The following NANS variants were observed in gnomAD, a reference collection of about 807,000 sequenced individuals.
NANS encodes the protein N-acetylneuraminate-9-phosphate synthase.
NANS carries 29 observed loss-of-function variants against 33.3 expected under a neutral mutation model. The observed-to-expected ratio is 0.87, with a 90% CI of 0.65 to 1.19. NANS has a LOEUF of 1.19. NANS is among the 50% of genes most tolerant of loss of function. The probability of loss-of-function intolerance (pLI) is 0.00; values close to 1 mark genes in which losing one functional copy is unlikely to be tolerated. For missense variants in NANS, 394 were observed against 461.1 expected, an observed-to-expected ratio of 0.85 and a Z score of 1.33; for synonymous variants, 163 against 177.2, an observed-to-expected ratio of 0.92 and a Z score of 0.64.
Position 98,080,949 on chromosome 9 carries a change from A to G in NANS, c.737A>G (p.Lys246Arg). 1.2e-6 allele frequency: 2 copies of G among 1,614,190 alleles called. No homozygotes were observed. The highest frequency in any genetic ancestry group is 1.7e-6 in the Non-Finnish European group (2 of 1,180,032). ...CACATAACTTTGGACAAGACCTGGA[A>G]GGGGAGTGACCACTCGGCCTCGCTG... ...ERHITLDKTW[K>R]GSDHSASLEP... The change falls in exon 5 of 6, where the codon AAG (lysine) becomes AGG (arginine). Residue 246 changes from lysine (K) to arginine (R), a missense_variant. Lys to Arg is a conservative substitution (Grantham distance 26). Coordinates refer to ENST00000210444, the MANE Select transcript of NANS (RefSeq NM_018946.4).
rs577148501 is a variant in NANS at position 98,075,904 on chromosome 9, G to C, written c.349-1014G>C. The C allele has an allele frequency of 1.7e-3, 263 of 152,264 alleles. 3 individuals are homozygous for C. The highest frequency in any genetic ancestry group is 6.0e-3 in the African/African-American group (251 of 41,548). 9.4% of individuals were successfully genotyped at this position (152,264 alleles called of 1,614,324 possible). ...AGTTCTTATAATTTGACAGCAAACT[G>C]AGATTTTACTCTTATAACTTGTGAT... On this transcript the variant is annotated intron_variant, in intron 2 of 5. Transcript: ENST00000210444.
chr9:98,082,970 G>C lies in NANS; in HGVS notation c.995G>C (p.Gly332Ala). 6.2e-7 allele frequency: 1 copy of C among 1,614,168 alleles called. No homozygotes were observed. Among genetic ancestry groups the C allele is most frequent in the Non-Finnish European group, 8.5e-7 (1 of 1,180,046 alleles). ...CCTGAAGACATCTTTAATCTAGTGG[G>C]CAAGAAGGTCCTGGTCACTGTTGAA... ...YPPEDIFNLV[G>A]KKVLVTVEED... Residue 332 changes from glycine to alanine, a missense_variant, in exon 6 of 6, where the codon GGC becomes GCC. By Grantham distance (60) the Gly-to-Ala change is moderately conservative. Coordinates refer to ENST00000210444, the MANE Select transcript of NANS (RefSeq NM_018946.4).
chr9:98,064,129 C>T (rs1829065179), intron 2 of NANS, among the ~76,000 whole-genome samples: 1 of 152,214 alleles, frequency 6.6e-6, no homozygotes, highest in Non-Finnish European at 1.5e-5. Context: ...AGGTGGAGAA[C>T]CTAGGCCTCT....
intron 2 of NANS, among the ~76,000 whole-genome samples, chr9:98,064,208 C>T (rs1289288621): frequency 1.3e-5 from 2 of 152,114 alleles, no homozygotes; most frequent in Non-Finnish European, 1.5e-5. Flanking sequence ...AGCATTCGTA[C>T]GCATGACATT....
intron 2 of NANS, among the ~76,000 whole-genome samples, chr9:98,061,722 G>A (rs1481989236): frequency 2.6e-5 from 4 of 151,428 alleles, no homozygotes; most frequent in Non-Finnish European, 4.4e-5. Flanking sequence ...GGAGGTTGCA[G>A]TAAGCCGAGA....
intron 4 of NANS, among the ~76,000 whole-genome samples, chr9:98,079,177 G>A (rs185089340): frequency 1.3e-5 from 2 of 152,278 alleles, no homozygotes; most frequent in Admixed American, 1.3e-4. Flanking sequence ...CAGCTTGGTG[G>A]CAAAGCTGGA....
chr9:98,081,966 T>G (rs1317117788), intron 5 of NANS: 1 of 152,196 alleles, frequency 6.6e-6, no homozygotes, highest in Admixed American at 6.5e-5. Context: ...TTAATTTGGC[T>G]CTCTGAGCAG....
intron 2 of NANS, among the ~76,000 whole-genome samples, chr9:98,072,727 G>C (rs1169287047): frequency 6.6e-6 from 1 of 152,136 alleles, no homozygotes; most frequent in African/African-American, 2.4e-5. Context: ...CATTCTTTAA[G>C]AGCCTTTACG....
Position 98,076,961 on chromosome 9 carries a change from A to G in NANS, c.392A>G (p.Lys131Arg), listed in dbSNP as rs777787331. The stretch of plus-strand genomic sequence containing the variant: ...CATGAACTGAATGTTCCATTTTTCA[A>G]AGTTGGATCTGGAGACACTAATAAT... Reference protein sequence around the residue: ...FLHELNVPFFKVGSGDTNNFP... With the variant: ...FLHELNVPFFRVGSGDTNNFP... The change falls in exon 3 of 6, where the codon AAA (lysine) becomes AGA (arginine). Residue 131 changes from lysine (K) to arginine (R), a missense_variant. Transcript: ENST00000210444. 9.3e-6 allele frequency: 15 copies of G among 1,611,908 alleles called. No individual in the cohort carries two copies. Among genetic ancestry groups the G allele is most frequent in the Admixed American group, 1.7e-5 (1 of 59,614 alleles).
intron 2 of NANS, among the ~76,000 whole-genome samples, chr9:98,072,866 A>G (rs898463491): frequency 2.6e-5 from 4 of 152,078 alleles, no homozygotes; most frequent in African/African-American, 9.7e-5. Flanking sequence ...CATTTATTGA[A>G]TGCATATTTT....
chr9:98,061,515 C>T (rs1828979140), intron 2 of NANS, among the ~76,000 whole-genome samples: 1 of 148,174 alleles, frequency 6.7e-6, no homozygotes, highest in Non-Finnish European at 1.5e-5. Flanking sequence ...GGCGCGGTGT[C>T]TCACACCTGT....
Position 98,077,016 on chromosome 9 carries a change from A to G in NANS, c.447A>G (p.Lys149=). The G allele has an allele frequency of 1.2e-6, 2 of 1,603,060 alleles. No individual in the cohort carries two copies. Among genetic ancestry groups the G allele is most frequent in the Non-Finnish European group, 1.7e-6 (2 of 1,173,686 alleles). Residue 149 remains lysine (K), a splice_region_variant and synonymous_variant, in exon 3 of 6, where the codon AAA becomes AAG. Transcript: ENST00000210444. The stretch of plus-strand genomic sequence containing the variant: ...CTTATCTGGAAAAGACAGCCAAAAA[A>G]GGTAAGTGTCTAATTTTTGACTTAA... ...NFPYLEKTAK[K]GRPMVISSGM... is the part of the protein sequence containing the mutation.
chr9:98,074,121 A>G (rs1211580899), intron 2 of NANS, among the ~76,000 whole-genome samples: 1 of 152,160 alleles, frequency 6.6e-6, no homozygotes, highest in African/African-American at 2.4e-5. Flanking sequence ...TAAGTTTGGG[A>G]AACACTGGGT....
chr9:98,064,608 C>T (rs1225982877), intron 2 of NANS, among the ~76,000 whole-genome samples: 1 of 152,118 alleles, frequency 6.6e-6, no homozygotes, highest in Admixed American at 6.6e-5. Context: ...TCTTCACATA[C>T]AGTAATATAT....
At chr9:98,082,737 C>T in intron 5 of NANS, 109 bp from the exon 6 acceptor site, 1 of 1,015,138 alleles carries the variant, frequency 9.9e-7, no homozygotes, top group Non-Finnish European at 1.5e-6. Context: ...AGTGCCTGCT[C>T]CCAAGGTACT....
In NANS at chr9:98,056,864, G is replaced by A. The variant is rs1410350331; in HGVS notation, c.56G>A (p.Cys19Tyr). The A allele has an allele frequency of 6.2e-7, 1 of 1,612,242 alleles. No individual in the cohort carries two copies. The highest frequency in any genetic ancestry group is 8.5e-7 in the Non-Finnish European group (1 of 1,179,454). Residue 19 changes from cysteine to tyrosine, a missense_variant, in exon 1 of 6, where the codon TGC (cysteine) becomes TAC (tyrosine). Transcript: ENST00000210444. ...CGCTGGGTGGGCGGGCAACACCCGT[G>A]CTTCATCATTGCCGAGATCGGCCAG... ...PGRWVGGQHPCFIIAEIGQNH... is the reference protein window; with the variant it reads ...PGRWVGGQHPYFIIAEIGQNH...
At chr9:98,079,717 CT>C (rs1246771374) in intron 4 of NANS, among the ~76,000 whole-genome samples, 5 of 152,194 alleles carry the variant, frequency 3.3e-5, no homozygotes, top group Non-Finnish European at 1.5e-5. Context: ...TTCAGTGTAT[CT>C]CCGTCCCCAC....
chr9:98,057,449 C>T (rs2131615871), intron 1 of NANS, among the ~76,000 whole-genome samples: 1 of 152,310 alleles, frequency 6.6e-6, no homozygotes, highest in African/African-American at 2.4e-5. Context: ...TGGTTAAAAG[C>T]CGGGCCTTTG....
chr9:98,061,212 C>T (rs913109411), intron 2 of NANS: 14 of 554,044 alleles, frequency 2.5e-5, no homozygotes, highest in East Asian at 1.8e-4. Flanking sequence ...CTTGATGGCT[C>T]ACACCTGTAA....
Sources: gnomAD v4.1 joint callset for allele counts (sites outside exome capture counted in the v4.1 genomes callset) on GRCh38, gnomAD v4.1.1 for gene constraint, MANE v1.5 for transcripts, NCBI Gene and HGNC (gene_info 2026-07-23, HGNC 2026-07-21) for gene names.